Variants in RPL32 observed in about 807,000 individuals in gnomAD.
The protein encoded by RPL32 is large ribosomal subunit protein eL32.
For synonymous variants in RPL32, 61 were observed against 62.6 expected (o/e 0.98, Z 0.12); for missense variants, 117 against 173.7 (o/e 0.67, Z 1.83).
chr3:12,840,617 C>T (rs1423077020), intron 1 of RPL32: 7 of 431,404 alleles, frequency 1.6e-5, no homozygotes, highest in South Asian at 8.6e-5. Flanking sequence ...TCTACTTGAA[C>T]CTGAGTCTTT....
intron 3 of RPL32, among the ~76,000 whole-genome samples, chr3:12,836,957 G>C (rs899939909): frequency 6.6e-6 from 1 of 152,240 alleles, no homozygotes; most frequent in African/African-American, 2.4e-5. Context: ...GATTGAGGCA[G>C]TGGACACACA....
At chr3:12,840,864 C>G (rs543593536) in intron 1 of RPL32, 2 of 209,248 alleles carry the variant, frequency 9.6e-6, no homozygotes, top group Non-Finnish European at 2.0e-5. Context: ...CAGCAGCACC[C>G]CTTCTGCTCT....
rs766738975 is a variant in RPL32, at chr3:12,839,626, T to G, written c.97-96A>C. The G allele has an allele frequency of 1.8e-5, 21 of 1,195,482 alleles. No homozygotes were observed. The African/African-American group carries it at 2.6e-4, about 15-fold the overall frequency. The allele number at this position is 1,195,482 out of a possible 1,614,324, so 74.1% of individuals were successfully genotyped here. On this transcript the variant is annotated intron_variant, in intron 2 of 3. Transcript: ENST00000429711. ...AAAAGGACCAAATGAAAAGGAAGTATGCCACACAGTAGTTGCCTTTGGTAA... is the reference window on the plus strand; with the variant it reads ...AAAAGGACCAAATGAAAAGGAAGTAGGCCACACAGTAGTTGCCTTTGGTAA...
At chr3:12,838,747 TAGTGATAACCAATTCTCGACG>T (rs1237410254) in intron 3 of RPL32, among the ~76,000 whole-genome samples, 2 of 152,204 alleles carry the variant, frequency 1.3e-5, no homozygotes, top group Non-Finnish European at 2.9e-5. Context: ...CATTCCTTTC[TAGTGATAACCAATTCTCGACG>T]AGAAACAGAA....
intron 1 of RPL32, 76 bp from the exon 2 acceptor site, chr3:12,840,318 C>G (rs760962496): frequency 4.8e-6 from 5 of 1,041,914 alleles, no homozygotes; most frequent in Admixed American, 1.7e-5. Flanking sequence ...TGAACACTGT[C>G]GCAGAGTGTC....
At position 12,841,494 on chromosome 3, in the gene RPL32, C is replaced by T. The variant is rs146053696; in HGVS notation, c.-6G>A. On this transcript the variant is annotated splice_region_variant and 5_prime_UTR_variant, in exon 1 of 4. Transcript: ENST00000429711. ...CGGATTGCCACGGATTAACACTTACCGAGAAGGAGATGGCTGCCACCTCCG... is the reference window on the plus strand; with the variant it reads ...CGGATTGCCACGGATTAACACTTACTGAGAAGGAGATGGCTGCCACCTCCG... 1,740 of 152,340 alleles carry T rather than the reference C, an allele frequency of 0.011. 18 individuals carry two copies. The highest frequency in any genetic ancestry group is 0.015 in the Non-Finnish European group (994 of 68,034). 9.4% of individuals were successfully genotyped at this position (152,340 alleles called of 1,614,324 possible).
intron 3 of RPL32, among the ~76,000 whole-genome samples, 153 bp from the exon 4 acceptor site, chr3:12,836,376 A>G (rs376546248): frequency 2.0e-5 from 3 of 152,260 alleles, no homozygotes; most frequent in South Asian, 4.1e-4. Context: ...AATCCTGACT[A>G]TGGTTCCCTG....
chr3:12,838,974 ATC>A, intron 3 of RPL32: 1 of 314,808 alleles, frequency 3.2e-6, no homozygotes, highest in South Asian at 3.2e-5. Context: ...CTCAGAATAA[ATC>A]TCTTCGAATA....
chr3:12,840,579 G>A (rs1247864394), intron 1 of RPL32: 3 of 483,048 alleles, frequency 6.2e-6, no homozygotes, highest in Non-Finnish European at 1.2e-5. Flanking sequence ...CCCCCAGATG[G>A]TCCTTCCGGT....
At chr3:12,836,658 A>G (rs1453192147) in intron 3 of RPL32, among the ~76,000 whole-genome samples, 2 of 152,226 alleles carry the variant, frequency 1.3e-5, no homozygotes, top group African/African-American at 4.8e-5. Flanking sequence ...TGGAGCCAAG[A>G]GCACCTGGTT....
intron 3 of RPL32, among the ~76,000 whole-genome samples, chr3:12,838,657 G>C (rs1374420713): frequency 6.6e-6 from 1 of 150,700 alleles, no homozygotes; most frequent in Non-Finnish European, 1.5e-5. Context: ...AAAATTCAAA[G>C]GCCCCCAGCA....
rs1559563079 is a variant in RPL32 at position 12,836,001 on chromosome 3, T to A, written c.*93A>T. 1.4e-6 allele frequency: 2 copies of A among 1,478,946 alleles called. No homozygotes were observed. Among genetic ancestry groups the A allele is most frequent in the Non-Finnish European group, 9.3e-7 (1 of 1,081,038 alleles). 91.6% of individuals were successfully genotyped at this position (1,478,946 alleles called of 1,614,324 possible). A position where few individuals can be genotyped will look rare whatever the true frequency, so the allele number is the denominator to read the frequency against. On this transcript the variant is annotated 3_prime_UTR_variant, in exon 4 of 4. Coordinates refer to ENST00000429711, the MANE Select transcript of RPL32 (RefSeq NM_000994.4). ...GAACAATCTCTGTGGCAAACTAAGTTGGCCAAGAAGCTGAAGACTTAAAAT... is the reference window on the plus strand; with the variant it reads ...GAACAATCTCTGTGGCAAACTAAGTAGGCCAAGAAGCTGAAGACTTAAAAT...
In RPL32 at chr3:12,840,446, A is replaced by T. The variant is rs370017961; in HGVS notation, c.-5-204T>A. 13 of 700,942 alleles carry T rather than the reference A, an allele frequency of 1.9e-5. 1 individual carries two copies. The highest frequency in any genetic ancestry group is 8.8e-5 in the Admixed American group (5 of 56,948). 43.4% of individuals were successfully genotyped at this position (700,942 alleles called of 1,614,324 possible). Reference sequence around the variant, plus strand: ...GGCACTCTCCAGATGCGATCCCAGGAGGTCAAGGGTCACCTCACCCACTCA... The same window carrying T: ...GGCACTCTCCAGATGCGATCCCAGGTGGTCAAGGGTCACCTCACCCACTCA... On this transcript the variant is annotated intron_variant, in intron 1 of 3. Transcript: ENST00000429711.
chr3:12,840,746 AAC>A, intron 1 of RPL32: 1 of 326,578 alleles, frequency 3.1e-6, no homozygotes, highest in Non-Finnish European at 6.1e-6. Context: ...CCACACCCTC[AAC>A]ACACACAAAA....
Sources: allele counts gnomAD v4.1 joint callset (sites outside exome capture counted in the v4.1 genomes callset), GRCh38; gene constraint gnomAD v4.1.1; transcripts MANE v1.5; gene names NCBI Gene and HGNC (gene_info 2026-07-23, HGNC 2026-07-21).